Variants in ZSCAN5C observed in about 807,000 individuals in gnomAD.
ZSCAN5C encodes zinc finger and SCAN domain containing 5C.
Under a neutral mutation model 17.3 loss-of-function variants are expected in ZSCAN5C, and 11 were observed. The observed-to-expected ratio is 0.64, with a 90% CI of 0.40 to 1.06. ZSCAN5C has a LOEUF of 1.06. ZSCAN5C is among the 50% of genes least tolerant of loss of function. The probability of loss-of-function intolerance (pLI) is 0.00; values close to 1 mark genes in which losing one functional copy is unlikely to be tolerated. For synonymous variants in ZSCAN5C, 229 were observed against 208.4 expected, an observed-to-expected ratio of 1.10 and a Z score of -0.85; for missense variants, 698 against 538.9, an observed-to-expected ratio of 1.30 and a Z score of -2.92.
chr19:56,207,185 C>G (rs1207502030), exon 3 of ZSCAN5C: 1 of 778,482 alleles, frequency 1.3e-6, no homozygotes, highest in South Asian at 1.4e-5. Flanking sequence ...CTCTGTGAAC[C>G]AGATGTGTCC....
At chr19:56,206,995 A>G (rs1042624052) in intron 2 of ZSCAN5C, 64 bp from the exon 3 acceptor site, 43 of 667,940 alleles carry the variant, frequency 6.4e-5, no homozygotes, top group Admixed American at 3.1e-4. Context: ...GGCAGGACCC[A>G]GGGAATATGA....
chr19:56,208,461 G>C, exon 5 of ZSCAN5C: 1 of 1,384,408 alleles, frequency 7.2e-7, no homozygotes, highest in Non-Finnish European at 1.0e-6. Flanking sequence ...GGGGTGGTGG[G>C]AGCAAAGGAG....
intron 1 of ZSCAN5C, among the ~76,000 whole-genome samples, chr19:56,204,348 C>T (rs1204914219): frequency 1.3e-5 from 2 of 151,112 alleles, no homozygotes; most frequent in African/African-American, 4.9e-5. Flanking sequence ...CGCAGAGGAC[C>T]CCTTTCCCCC....
exon 2 of ZSCAN5C, chr19:56,206,062 T>A (rs755008749): frequency 5.6e-5 from 91 of 1,612,822 alleles, no homozygotes; most frequent in Non-Finnish European, 7.3e-5. Context: ...TTCAGGATGT[T>A]CAGCTGCCCG....
At chr19:56,208,888 C>A in exon 5 of ZSCAN5C, 1 of 1,596,050 alleles carries the variant, frequency 6.3e-7, no homozygotes. Context: ...GGAAGCGCTT[C>A]ATGCAGCGCA....
At chr19:56,209,213 G>A (rs941402774), downstream of ZSCAN5C, 2 of 711,034 alleles carry the variant, frequency 2.8e-6, no homozygotes, top group Middle Eastern at 2.4e-4. Flanking sequence ...TCACCATCGG[G>A]TCTGTCTTCT....
At chr19:56,208,619 G>A (rs558551680) in exon 5 of ZSCAN5C, 32 of 1,607,226 alleles carry the variant, frequency 2.0e-5, no homozygotes, top group Non-Finnish European at 2.2e-5. Context: ...CAAACCAGAC[G>A]CCACCTCCAT....
chr19:56,205,291 T>C (rs1477973804), intron 1 of ZSCAN5C, among the ~76,000 whole-genome samples: 1 of 151,978 alleles, frequency 6.6e-6, no homozygotes, highest in Non-Finnish European at 1.5e-5. Flanking sequence ...TTAATCCTCA[T>C]AGGATTCTTT....
At chr19:56,203,201 C>A (rs2146336827) in intron 1 of ZSCAN5C, among the ~76,000 whole-genome samples, 1 of 151,906 alleles carries the variant, frequency 6.6e-6, no homozygotes, top group Non-Finnish European at 1.5e-5. Flanking sequence ...GCCTCCTGAG[C>A]AGCAGCAGGT....
chr19:56,206,139 G>A (rs779026430), exon 2 of ZSCAN5C: 22 of 1,603,458 alleles, frequency 1.4e-5, no homozygotes, highest in East Asian at 2.2e-5. Flanking sequence ...GCTGAGGCCC[G>A]ACCTCCACAC....
intron 1 of ZSCAN5C, among the ~76,000 whole-genome samples, chr19:56,204,131 G>A (rs969326387): frequency 6.6e-6 from 1 of 151,844 alleles, no homozygotes; most frequent in Non-Finnish European, 1.5e-5. Flanking sequence ...TGTGAGGATA[G>A]CAACCAATAG....
chr19:56,208,197 A>G lies in ZSCAN5C; in HGVS notation c.739+13A>G, dbSNP rs2032945633. The stretch of plus-strand genomic sequence containing the variant: ...CCAAACAGTCCCAGTAAGTATGAAG[A>G]CTTACACCTGTGTGGAGATAGCCCC... On this transcript the variant is annotated intron_variant, in intron 4 of 4. Coordinates refer to ENST00000534327, the Ensembl canonical transcript of ZSCAN5C. 2 of 774,716 alleles carry G rather than the reference A, an allele frequency of 2.6e-6. No homozygotes were observed. The highest frequency in any genetic ancestry group is 3.4e-5 in the African/African-American group (2 of 58,624). The allele number at this position is 774,716 out of a possible 1,614,324, so 48.0% of individuals were successfully genotyped here.
intron 1 of ZSCAN5C, 25 bp from the exon 2 acceptor site, chr19:56,205,762 G>C (rs1235924759): frequency 1.7e-6 from 1 of 587,218 alleles, no homozygotes; most frequent in African/African-American, 1.9e-5. Context: ...AACTTTAACA[G>C]AGCTCATGCT....
downstream of ZSCAN5C, chr19:56,209,410 G>T: frequency 6.2e-6 from 3 of 483,470 alleles, no homozygotes; most frequent in South Asian, 8.4e-5. Flanking sequence ...GGTTTATTTT[G>T]GTTTGTGTTG....
chr19:56,205,972 C>T lies in ZSCAN5C; in HGVS notation c.59C>T (p.Ser20Leu), dbSNP rs781026773. ...GGAGAATCCTGCAACAGCCCTGGGT[C>T]AGAGCCACCACAGTCCATGCCATCC... is the stretch of plus-strand genomic sequence containing the variant. Residue 20 changes from serine (S) to leucine (L), a missense_variant, in exon 2 of 5, where the codon TCA (serine) becomes TTA (leucine). Coordinates refer to ENST00000534327, the Ensembl canonical transcript of ZSCAN5C. The T allele has an allele frequency of 1.2e-5, 18 of 1,532,036 alleles. No individual in the cohort carries two copies. In the East Asian group the frequency reaches 2.7e-4, roughly 23 times the overall value. 94.9% of individuals were successfully genotyped at this position (1,532,036 alleles called of 1,614,324 possible). A position where few individuals can be genotyped will look rare whatever the true frequency, so the allele number is the denominator to read the frequency against.
chr19:56,209,080 G>A, exon 5 of ZSCAN5C: 4 of 1,597,568 alleles, frequency 2.5e-6, no homozygotes, highest in Non-Finnish European at 3.4e-6. Flanking sequence ...ATCTGAAGGA[G>A]CACCAGCGCA....
intron 1 of ZSCAN5C, among the ~76,000 whole-genome samples, chr19:56,203,553 T>G (rs1277787084): frequency 5.9e-5 from 9 of 151,694 alleles, no homozygotes; most frequent in Non-Finnish European, 7.4e-5. Flanking sequence ...CAACTGAAAT[T>G]CATACCCTTA....
chr19:56,207,208 G>T, exon 3 of ZSCAN5C: 1 of 778,588 alleles, frequency 1.3e-6, no homozygotes. Flanking sequence ...AGGAAGGCCA[G>T]GCCAGCCAAG....
At chr19:56,208,952 G>T in exon 5 of ZSCAN5C, 1 of 1,613,562 alleles carries the variant, frequency 6.2e-7, no homozygotes, top group Non-Finnish European at 8.5e-7. Context: ...CTACACGTGT[G>T]ACATCTGCCA....
Sources: gnomAD v4.1 joint callset for allele counts (sites outside exome capture counted in the v4.1 genomes callset) on GRCh38, gnomAD v4.1.1 for gene constraint, MANE v1.5 for transcripts, NCBI Gene and HGNC (gene_info 2026-07-23, HGNC 2026-07-21) for gene names.